The following THEMIS variants were observed in gnomAD, a reference collection of about 807,000 sequenced individuals.
THEMIS encodes the protein thymocyte selection associated.
In THEMIS, 37 loss-of-function variants were observed where a neutral mutation model predicts 52.6. The observed-to-expected ratio is 0.70, with a 90% CI of 0.54 to 0.93. THEMIS has a LOEUF of 0.93. THEMIS is among the 40% of genes least tolerant of loss of function. The pLI, the probability that THEMIS is intolerant of heterozygous loss-of-function variation, is 0.00. For synonymous variants in THEMIS, 292 were observed against 272.7 expected, an observed-to-expected ratio of 1.07 and a Z score of -0.70; for missense variants, 808 against 763.1, an observed-to-expected ratio of 1.06 and a Z score of -0.69.
intron 1 of THEMIS, among the ~76,000 whole-genome samples, chr6:127,915,586 AAG>A (rs34353449): frequency 0.039 from 5,542 of 140,308 alleles, 306 homozygotes; most frequent in African/African-American, 0.13. Flanking sequence ...GTCAGAGAGA[AAG>A]AGAGAGAGAG....
chr6:127,702,522 C>A, the THEMIS span, among the ~76,000 whole-genome samples: 1 of 151,960 alleles, frequency 6.6e-6, no homozygotes, highest in Non-Finnish European at 1.5e-5. Flanking sequence ...TTTTTAACAC[C>A]TCTTTTCCAC....
chr6:127,852,436 A>C (rs1438879410), intron 2 of THEMIS, among the ~76,000 whole-genome samples: 2 of 151,560 alleles, frequency 1.3e-5, no homozygotes, highest in Non-Finnish European at 3.0e-5. Flanking sequence ...TATTCTTCTC[A>C]AGTGAATACA....
At chr6:127,772,348 G>A (rs1025249301) in intron 4 of THEMIS, among the ~76,000 whole-genome samples, 1 of 151,584 alleles carries the variant, frequency 6.6e-6, no homozygotes, top group Non-Finnish European at 1.5e-5. Context: ...AATAAATTTT[G>A]AATATTCTTG....
chr6:127,806,244 ATT>A (rs1777705297), intron 4 of THEMIS, among the ~76,000 whole-genome samples: 1 of 152,180 alleles, frequency 6.6e-6, no homozygotes, highest in African/African-American at 2.4e-5. Flanking sequence ...GTGCAAAATA[ATT>A]TAGTCCAAAT....
chr6:127,752,661 G>A (rs976698477), intron 4 of THEMIS, among the ~76,000 whole-genome samples: 2 of 151,648 alleles, frequency 1.3e-5, no homozygotes, highest in African/African-American at 4.8e-5. Context: ...CCAATTATGA[G>A]TAAGAAGATT....
chr6:127,742,972 G>T (rs1775261171), intron 4 of THEMIS, among the ~76,000 whole-genome samples: 1 of 151,742 alleles, frequency 6.6e-6, no homozygotes, highest in African/African-American at 2.4e-5. Flanking sequence ...AGAATATGAA[G>T]AATATTCCTT....
chr6:127,871,136 GACC>G (rs1480585114), intron 1 of THEMIS, among the ~76,000 whole-genome samples: 1 of 151,884 alleles, frequency 6.6e-6, no homozygotes, highest in Non-Finnish European at 1.5e-5. Flanking sequence ...AATATTCTAT[GACC>G]ACAATGAATT....
intron 1 of THEMIS, among the ~76,000 whole-genome samples, chr6:127,856,156 G>A (rs270034): frequency 0.37 from 56,111 of 151,754 alleles, 10,966 homozygotes; most frequent in Middle Eastern, 0.48. Flanking sequence ...TGAGCACAGC[G>A]TTTTAGGTTT....
At chr6:127,729,560 G>A (rs1774683560) in intron 4 of THEMIS, among the ~76,000 whole-genome samples, 1 of 152,044 alleles carries the variant, frequency 6.6e-6, no homozygotes, top group African/African-American at 2.4e-5. Context: ...CTCACAAAAT[G>A]TCCAGTCCTT....
At chr6:127,770,022 T>C (rs541306511) in intron 4 of THEMIS, among the ~76,000 whole-genome samples, 1 of 152,360 alleles carries the variant, frequency 6.6e-6, no homozygotes, top group South Asian at 2.1e-4. Context: ...CGGTCTATCA[T>C]TGATGGACAT....
At chr6:127,814,805 T>G (rs968767591) in intron 3 of THEMIS, among the ~76,000 whole-genome samples, 1 of 152,214 alleles carries the variant, frequency 6.6e-6, no homozygotes, top group Non-Finnish European at 1.5e-5. Context: ...TGCATTTATT[T>G]ACCTGTTCCT....
At chr6:127,854,070 C>T (rs80342979) in intron 2 of THEMIS, among the ~76,000 whole-genome samples, 2,774 of 151,810 alleles carry the variant, frequency 0.018, 103 homozygotes, top group African/African-American at 0.063. Context: ...GTTAACAATT[C>T]CTGAGCACAC....
downstream of THEMIS, among the ~76,000 whole-genome samples, chr6:127,703,171 T>C (rs1583180350): frequency 6.8e-6 from 1 of 147,296 alleles, no homozygotes; most frequent in Non-Finnish European, 1.5e-5. Flanking sequence ...CCTCAGCCTC[T>C]CGAGTAGCTG....
chr6:127,912,379 T>G (rs1781432485), intron 1 of THEMIS, among the ~76,000 whole-genome samples: 1 of 152,164 alleles, frequency 6.6e-6, no homozygotes, highest in Non-Finnish European at 1.5e-5. Context: ...ATTGCAAAAT[T>G]GTAACTGAGA....
rs553166380 is a variant in THEMIS, at chr6:127,744,625, G to A, written c.1759-24802C>T. ...TCCACTTACATGAGGTATCTAAAAT[G>A]GTCAAACTTGTGAAAACAAGAAAAA... On this transcript the variant is annotated intron_variant, in intron 4 of 5. Coordinates refer to ENST00000368248, the MANE Select transcript of THEMIS (RefSeq NM_001010923.3). 3.6e-4 allele frequency among the ~76,000 whole-genome samples: 54 copies of A among 152,018 alleles called. 1 individual carries two copies. The highest frequency in any genetic ancestry group is 1.9e-3 in the South Asian group (9 of 4,820).
intron 1 of THEMIS, 29 bp from the exon 2 acceptor site, chr6:127,855,217 T>A: frequency 6.5e-7 from 1 of 1,546,682 alleles, no homozygotes. Context: ...TAAAACAGCT[T>A]TTTAAAAAGA....
chr6:127,757,689 T>C (rs1775880487), intron 4 of THEMIS, among the ~76,000 whole-genome samples: 1 of 152,106 alleles, frequency 6.6e-6, no homozygotes, highest in Non-Finnish European at 1.5e-5. Context: ...TTCACCTTGT[T>C]AGCCAGGATG....
Position 127,829,786 on chromosome 6 carries a change from A to G in THEMIS, c.399T>C (p.Gly133=). 4.3e-6 allele frequency: 7 copies of G among 1,614,110 alleles called. No individual in the cohort carries two copies. Among genetic ancestry groups the G allele is most frequent in the Non-Finnish European group, 5.9e-6 (7 of 1,180,014 alleles). The part of the protein sequence containing the change: ...IKLENLIIKQ[G]EQIMLNSVEE... ...CAACTGAGTTGAGCATGATTTGCTC[A>G]CCCTGCTTTATGATGAGGTTCTCTA... Residue 133 remains glycine, a synonymous_variant, in exon 3 of 6, where the codon GGT becomes GGC. Transcript: ENST00000368248.
intron 4 of THEMIS, among the ~76,000 whole-genome samples, chr6:127,762,482 T>A (rs893355835): frequency 8.6e-5 from 13 of 151,918 alleles, no homozygotes; most frequent in African/African-American, 3.1e-4. Context: ...CTAAAGCGCT[T>A]ATCATTCCTT....
Sources: allele counts gnomAD v4.1 joint callset (sites outside exome capture counted in the v4.1 genomes callset), GRCh38; gene constraint gnomAD v4.1.1; transcripts MANE v1.5; gene names NCBI Gene and HGNC (gene_info 2026-07-23, HGNC 2026-07-21).